The following MAML2 variants were observed in gnomAD, a reference collection of about 807,000 sequenced individuals.
The protein encoded by MAML2 is mastermind-like protein 2.
Under a neutral mutation model 96.1 loss-of-function variants are expected in MAML2, and 22 were observed. The ratio of observed to expected loss-of-function variants is 0.23; its 90% confidence interval spans 0.16 to 0.33. MAML2 has a LOEUF of 0.33. MAML2 is among the 10% of genes least tolerant of loss of function. MAML2 has a pLI of 1.00. For missense variants in MAML2, 1,367 were observed against 1,392.4 expected (o/e 0.98, Z 0.29); for synonymous variants, 561 against 521.3 (o/e 1.08, Z -1.04).
chr11:96,065,269 T>C (rs1015780813), intron 2 of MAML2, among the ~76,000 whole-genome samples: 1 of 152,160 alleles, frequency 6.6e-6, no homozygotes, highest in East Asian at 1.9e-4. Context: ...TAGAGAGAAG[T>C]TCTTGTAATA....
chr11:96,309,213 G>C (rs1460284636), intron 1 of MAML2, among the ~76,000 whole-genome samples: 1 of 152,098 alleles, frequency 6.6e-6, no homozygotes, highest in Non-Finnish European at 1.5e-5. Flanking sequence ...ACTGGGATTT[G>C]GAATGCCATT....
chr11:96,285,420 G>T (rs1364061695), intron 1 of MAML2, among the ~76,000 whole-genome samples: 1 of 152,154 alleles, frequency 6.6e-6, no homozygotes, highest in African/African-American at 2.4e-5. Context: ...TGCAGGCAAA[G>T]ATTTCATAGG....
chr11:96,287,463 A>T (rs1863155742), intron 1 of MAML2, among the ~76,000 whole-genome samples: 1 of 152,226 alleles, frequency 6.6e-6, no homozygotes, highest in South Asian at 2.1e-4. Flanking sequence ...TGCCTTACTA[A>T]TGGCCAGTGT....
chr11:95,997,255 G>A (rs1228218227), intron 2 of MAML2, among the ~76,000 whole-genome samples: 2 of 152,078 alleles, frequency 1.3e-5, no homozygotes, highest in South Asian at 2.1e-4. Flanking sequence ...GCACAATAAC[G>A]TATATTTATT....
At chr11:96,205,946 T>G (rs548923116) in intron 1 of MAML2, among the ~76,000 whole-genome samples, 98 of 152,338 alleles carry the variant, frequency 6.4e-4, no homozygotes, top group African/African-American at 2.2e-3. Flanking sequence ...ATGCAAATTT[T>G]TACACGTTTA....
rs1292512676 is a variant in MAML2 at position 96,076,430 on chromosome 11, TCTCACACACACACACACA to T, written c.2139+15444_2139+15461del. Among the ~76,000 whole-genome samples, 49 of 136,510 alleles carry T rather than the reference TCTCACACACACACACACA, an allele frequency of 3.6e-4. 1 individual carries two copies. Among genetic ancestry groups the T allele is most frequent in the Admixed American group, 2.7e-3 (38 of 14,236 alleles). 89.6% of individuals were successfully genotyped at this position (136,510 alleles called of 152,430 possible). A position where few individuals can be genotyped will look rare whatever the true frequency, so the allele number is the denominator to read the frequency against. On this transcript the variant is annotated intron_variant, in intron 2 of 4. Coordinates refer to ENST00000524717, the MANE Select transcript of MAML2 (RefSeq NM_032427.4). ...CTGCTCTCTTTTGTCTCTCTCTCTC[TCTCACACACACACACACA>T]CACACACACACACACACACACACAC...
intron 1 of MAML2, among the ~76,000 whole-genome samples, chr11:96,317,283 G>A (rs1863645388): frequency 6.6e-6 from 1 of 152,142 alleles, no homozygotes; most frequent in Non-Finnish European, 1.5e-5. Context: ...AAACGTCTAT[G>A]CTTCAGTGTC....
At chr11:96,123,936 G>A (rs951833549) in intron 1 of MAML2, among the ~76,000 whole-genome samples, 1 of 151,954 alleles carries the variant, frequency 6.6e-6, no homozygotes, top group South Asian at 2.1e-4. Context: ...CGGGCATGGT[G>A]GCACGCACCT....
At chr11:96,128,698 T>G (rs936419647) in intron 1 of MAML2, among the ~76,000 whole-genome samples, 1 of 152,150 alleles carries the variant, frequency 6.6e-6, no homozygotes, top group Non-Finnish European at 1.5e-5. Context: ...AACACGTAAA[T>G]AACTCAATAA....
intron 1 of MAML2, among the ~76,000 whole-genome samples, chr11:96,303,557 A>T (rs904229773): frequency 6.6e-6 from 1 of 152,104 alleles, no homozygotes; most frequent in Non-Finnish European, 1.5e-5. Context: ...GCCCATATAA[A>T]TTTTTTATAA....
chr11:95,991,782 C>T lies in MAML2; in HGVS notation c.2140-59G>A, dbSNP rs1565183000. The T allele has an allele frequency of 8.4e-6, 11 of 1,315,838 alleles. No individual in the cohort carries two copies. The Admixed American group carries it at 1.8e-4, about 21-fold the overall frequency. The allele number at this position is 1,315,838 out of a possible 1,614,324, so 81.5% of individuals were successfully genotyped here. A position where few individuals can be genotyped will look rare whatever the true frequency, so the allele number is the denominator to read the frequency against. On this transcript the variant is annotated intron_variant, in intron 2 of 4. Coordinates refer to ENST00000524717, the MANE Select transcript of MAML2 (RefSeq NM_032427.4). Reference sequence around the variant, plus strand: ...GTGAATTAAAAAAAGAAAAATGTAGCACAAAGATCATACACTCAGATTCCA... The same window carrying T: ...GTGAATTAAAAAAAGAAAAATGTAGTACAAAGATCATACACTCAGATTCCA...
intron 2 of MAML2, among the ~76,000 whole-genome samples, chr11:96,028,058 T>G (rs1255503045): frequency 6.6e-6 from 1 of 152,150 alleles, no homozygotes; most frequent in Non-Finnish European, 1.5e-5. Context: ...AAGGGACTCA[T>G]AAGTAAACAA....
intron 2 of MAML2, among the ~76,000 whole-genome samples, chr11:96,018,907 A>G (rs1043455771): frequency 6.6e-6 from 1 of 152,238 alleles, no homozygotes; most frequent in Non-Finnish European, 1.5e-5. Flanking sequence ...AGAATTGACC[A>G]CTGGAATTGG....
chr11:96,003,710 G>T (rs1337199107), intron 2 of MAML2, among the ~76,000 whole-genome samples: 1 of 151,696 alleles, frequency 6.6e-6, no homozygotes, highest in Non-Finnish European at 1.5e-5. Flanking sequence ...TGAAGTATCT[G>T]GTATACAACA....
At chr11:96,134,421 G>A (rs1772842081) in intron 1 of MAML2, among the ~76,000 whole-genome samples, 1 of 152,174 alleles carries the variant, frequency 6.6e-6, no homozygotes, top group South Asian at 2.1e-4. Flanking sequence ...GATATCAAAT[G>A]TCTCTGATTC....
chr11:96,252,630 T>A (rs1359643125), intron 1 of MAML2, among the ~76,000 whole-genome samples: 1 of 152,100 alleles, frequency 6.6e-6, no homozygotes, highest in African/African-American at 2.4e-5. Flanking sequence ...TTCACCATGT[T>A]GGCCAGGATG....
chr11:96,111,335 C>T (rs1860120638), intron 1 of MAML2, among the ~76,000 whole-genome samples: 1 of 151,948 alleles, frequency 6.6e-6, no homozygotes, highest in Non-Finnish European at 1.5e-5. Context: ...TGACCTGTAC[C>T]TATTCCTAGC....
chr11:96,295,031 T>C (rs1031980806), intron 1 of MAML2, among the ~76,000 whole-genome samples: 101 of 152,212 alleles, frequency 6.6e-4, no homozygotes, highest in African/African-American at 2.3e-3. Flanking sequence ...TAAAGGCATA[T>C]TTAGGAATTT....
chr11:96,218,199 T>C (rs963951348), intron 1 of MAML2, among the ~76,000 whole-genome samples: 3 of 152,226 alleles, frequency 2.0e-5, no homozygotes, highest in Non-Finnish European at 4.4e-5. Context: ...CACAGCAGTG[T>C]CAGTGACAGA....
Sources: gnomAD v4.1 joint callset for allele counts (sites outside exome capture counted in the v4.1 genomes callset) on GRCh38, gnomAD v4.1.1 for gene constraint, MANE v1.5 for transcripts, NCBI Gene and HGNC (gene_info 2026-07-23, HGNC 2026-07-21) for gene names.